HYDIN: variants seen among roughly 807,000 people sequenced by gnomAD.
The protein encoded by HYDIN is axonemal central pair apparatus protein HYDIN.
A neutral mutation model predicts 403.9 loss-of-function variants in HYDIN; 132 were observed. The observed-to-expected ratio is 0.33, with a 90% confidence interval of 0.28 to 0.38. HYDIN has a LOEUF of 0.38. Among genes scored for constraint, HYDIN ranks in the 10% least tolerant of loss-of-function variants. The pLI is 1.00. For missense variants in HYDIN, 2,827 were observed against 5,009.5 expected (o/e 0.56, Z 13.15); for synonymous variants, 1,202 against 1,891.7 (o/e 0.64, Z 9.46).
chr16:70,856,908 G>C (rs1358758066), intron 72 of HYDIN, among the ~76,000 whole-genome samples: 2 of 152,132 alleles, frequency 1.3e-5, no homozygotes, highest in Non-Finnish European at 2.9e-5. Context: ...CACATTGGTG[G>C]ATTTACTATA....
At chr16:71,174,646 C>T (rs2086595393) in intron 5 of HYDIN, among the ~76,000 whole-genome samples, 1 of 152,136 alleles carries the variant, frequency 6.6e-6, no homozygotes, top group Non-Finnish European at 1.5e-5. Context: ...AGGAAGCCTC[C>T]ACCCTCAGGC....
chr16:71,111,654 G>A (rs1471309994), intron 10 of HYDIN, among the ~76,000 whole-genome samples: 2 of 152,012 alleles, frequency 1.3e-5, no homozygotes, highest in Non-Finnish European at 2.9e-5. Context: ...AGGTCTGCTG[G>A]TGGCTGCGGA....
chr16:70,868,121 C>T (rs1212126062), intron 66 of HYDIN, among the ~76,000 whole-genome samples: 4 of 151,346 alleles, frequency 2.6e-5, no homozygotes, highest in Non-Finnish European at 2.9e-5. Context: ...TTCTACTTCC[C>T]GTGTTGGGTG....
At chr16:71,224,849 C>T (rs2040963584) in intron 1 of HYDIN, among the ~76,000 whole-genome samples, 1 of 152,124 alleles carries the variant, frequency 6.6e-6, no homozygotes, top group South Asian at 2.1e-4. Context: ...GCGTGAGCCA[C>T]CGCGCCCGGC....
intron 1 of HYDIN, among the ~76,000 whole-genome samples, chr16:71,214,870 G>A (rs934527042): frequency 3.9e-5 from 6 of 152,094 alleles, no homozygotes; most frequent in Admixed American, 6.5e-5. Context: ...CTCCTCCCCC[G>A]CAATCACTTA....
At chr16:71,026,092 G>A (rs1412043481) in intron 20 of HYDIN, among the ~76,000 whole-genome samples, 4 of 151,866 alleles carry the variant, frequency 2.6e-5, no homozygotes, top group Non-Finnish European at 5.9e-5. Flanking sequence ...TAGACACGGG[G>A]TTTCTCCATG....
Position 71,115,757 on chromosome 16 carries a change from G to A in HYDIN, c.1266C>T (p.Thr422=), listed in dbSNP as rs11075865. The A allele has an allele frequency of 5.5e-5, 59 of 1,074,172 alleles. No homozygotes were observed. Among genetic ancestry groups the A allele is most frequent in the Middle Eastern group, 2.0e-4 (1 of 4,970 alleles). 66.5% of individuals were successfully genotyped at this position (1,074,172 alleles called of 1,614,324 possible). Reference sequence around the variant, plus strand: ...TGGCTTCTAGTGGGTTAAAGTACACGGTGATTTCAGCTGATGAGTTGGGCC... The same window carrying A: ...TGGCTTCTAGTGGGTTAAAGTACACAGTGATTTCAGCTGATGAGTTGGGCC... ...DVWPNSSAEI[T]VYFNPLEAKL... The change falls in exon 10 of 86, where the codon ACC becomes ACT. Residue 422 remains threonine, a synonymous_variant. Coordinates refer to ENST00000393567, the MANE Select transcript of HYDIN (RefSeq NM_001270974.2).
At chr16:71,206,291 G>A (rs1419608058) in intron 1 of HYDIN, among the ~76,000 whole-genome samples, 1 of 152,170 alleles carries the variant, frequency 6.6e-6, no homozygotes, top group East Asian at 1.9e-4. Flanking sequence ...TCCAACAAAA[G>A]AAAGCAGACA....
At position 71,230,620 on chromosome 16, in the gene HYDIN, T is replaced by A. The variant is rs12449210; in HGVS notation, c.-82A>T. On this transcript the variant is annotated 5_prime_UTR_variant, in exon 1 of 86. Coordinates refer to ENST00000393567, the MANE Select transcript of HYDIN (RefSeq NM_001270974.2). ...CTCCATTCCCCGCCAAGACCCCGCGTCCAACTCACAGACCCCGCCGCCGCT... is the reference window on the plus strand; with the variant it reads ...CTCCATTCCCCGCCAAGACCCCGCGACCAACTCACAGACCCCGCCGCCGCT... The A allele has an allele frequency of 0.34, 519,918 of 1,535,590 alleles. 91,219 individuals carry two copies. Among genetic ancestry groups the A allele is most frequent in the East Asian group, 0.56 (22,715 of 40,876 alleles).
At chr16:70,882,009 C>T (rs1220182322) in intron 60 of HYDIN, among the ~76,000 whole-genome samples, 2 of 152,246 alleles carry the variant, frequency 1.3e-5, no homozygotes, top group African/African-American at 2.4e-5. Context: ...AGAGAAAAGG[C>T]AGTTTCGAGC....
At chr16:70,923,598 C>T (rs556750318) in intron 45 of HYDIN, among the ~76,000 whole-genome samples, 7 of 117,170 alleles carry the variant, frequency 6.0e-5, no homozygotes, top group Admixed American at 2.9e-4. Context: ...GTCAGGAGAT[C>T]TAGACCATCC....
chr16:71,219,832 A>G (rs2089101829), intron 1 of HYDIN, among the ~76,000 whole-genome samples: 1 of 152,222 alleles, frequency 6.6e-6, no homozygotes. Flanking sequence ...ATTTTGTATG[A>G]AGAGCAGCCA....
chr16:70,901,441 G>A (rs1187759568), intron 52 of HYDIN, among the ~76,000 whole-genome samples: 1 of 150,996 alleles, frequency 6.6e-6, no homozygotes, highest in Non-Finnish European at 1.5e-5. Flanking sequence ...GCATCCTCAA[G>A]TGTCTGTTGC....
At chr16:71,051,645 C>CAAAAAAAAAAA (rs56676777) in intron 18 of HYDIN, among the ~76,000 whole-genome samples, 9 of 120,196 alleles carry the variant, frequency 7.5e-5, no homozygotes, top group East Asian at 2.6e-4. Flanking sequence ...GACTCTGTCT[C>CAAAAAAAAAAA]AAAAAAAAAA....
At chr16:71,174,430 C>T (rs1284603574) in intron 5 of HYDIN, among the ~76,000 whole-genome samples, 1 of 152,178 alleles carries the variant, frequency 6.6e-6, no homozygotes, top group African/African-American at 2.4e-5. Context: ...CTACTGACTC[C>T]AACCATAAGA....
intron 45 of HYDIN, among the ~76,000 whole-genome samples, chr16:70,924,933 C>T (rs2077103421): frequency 6.9e-6 from 1 of 145,588 alleles, no homozygotes; most frequent in African/African-American, 2.6e-5. Context: ...CAAACCTGCA[C>T]ATCCTGCACG....
intron 28 of HYDIN, among the ~76,000 whole-genome samples, chr16:70,984,130 AG>A (rs1320243228): frequency 2.0e-5 from 3 of 152,186 alleles, no homozygotes. Context: ...TGGGATGCCA[AG>A]GCAGGCAGAC....
At chr16:70,990,266 G>C (rs1435246121) in intron 25 of HYDIN, among the ~76,000 whole-genome samples, 1 of 145,808 alleles carries the variant, frequency 6.9e-6, no homozygotes, top group Admixed American at 6.9e-5. Flanking sequence ...ATGATGGCAA[G>C]TGCCTGTAAT....
At chr16:70,877,401 G>T (rs1318563199) in intron 62 of HYDIN, among the ~76,000 whole-genome samples, 1 of 152,092 alleles carries the variant, frequency 6.6e-6, no homozygotes, top group Non-Finnish European at 1.5e-5. Flanking sequence ...ACATATCATA[G>T]TAAAACTGTA....
Sources: gnomAD v4.1 joint callset for allele counts (sites outside exome capture counted in the v4.1 genomes callset) on GRCh38, gnomAD v4.1.1 for gene constraint, MANE v1.5 for transcripts, NCBI Gene and HGNC (gene_info 2026-07-23, HGNC 2026-07-21) for gene names.